The following CSNK1G1 variants were observed in gnomAD, a reference collection of about 807,000 sequenced individuals.
The protein encoded by CSNK1G1 is casein kinase 1 gamma 1.
CSNK1G1 carries 22 observed loss-of-function variants against 59.6 expected under a neutral mutation model. The ratio of observed to expected loss-of-function variants is 0.37; its 90% CI spans 0.26 to 0.53. The LOEUF is 0.53. Among genes scored for constraint, CSNK1G1 ranks in the 20% least tolerant of loss-of-function variants. The pLI, the probability that CSNK1G1 is intolerant of heterozygous loss-of-function variation, is 0.89. For missense variants in CSNK1G1, 384 were observed against 519.5 expected, an observed-to-expected ratio of 0.74 and a Z score of 2.54; for synonymous variants, 179 against 177.1, an observed-to-expected ratio of 1.01 and a Z score of -0.08.
intron 11 of CSNK1G1, among the ~76,000 whole-genome samples, chr15:64,179,864 A>G (rs190895969): frequency 1.4e-3 from 207 of 152,122 alleles, no homozygotes; most frequent in Non-Finnish European, 2.0e-3. Flanking sequence ...AGACTATAAT[A>G]TTTTTCTTGC....
intron 2 of CSNK1G1, among the ~76,000 whole-genome samples, chr15:64,286,501 A>C (rs1894431750): frequency 6.6e-6 from 1 of 152,114 alleles, no homozygotes; most frequent in Non-Finnish European, 1.5e-5. Context: ...ATAAATATAT[A>C]TAAGCTAATT....
intron 4 of CSNK1G1, among the ~76,000 whole-genome samples, chr15:64,217,937 T>C (rs1278256531): frequency 6.6e-6 from 1 of 152,158 alleles, no homozygotes; most frequent in Non-Finnish European, 1.5e-5. Flanking sequence ...TGTAGATTAT[T>C]GTTTGCTTCT....
At chr15:64,277,583 AATATTAATAT>A in intron 2 of CSNK1G1, among the ~76,000 whole-genome samples, 1 of 136,916 alleles carries the variant, frequency 7.3e-6, no homozygotes, top group Admixed American at 7.3e-5. Flanking sequence ...TAAATATATT[AATATTAATAT>A]ATTTAATAAT....
At position 64,319,410 on chromosome 15, in the gene CSNK1G1, A is replaced by G. The variant is rs150850163; in HGVS notation, c.-224-18687T>C. Among the ~76,000 whole-genome samples, 17 of 152,244 alleles carry G rather than the reference A, an allele frequency of 1.1e-4. No homozygotes were observed. In the East Asian group the frequency reaches 3.3e-3, roughly 29 times the overall value. Reference sequence around the variant, plus strand: ...CAGGCATCCTGAGACTATTCAAAGGAAATATACCTTTTTTTTTTTTCCAAA... The same window carrying G: ...CAGGCATCCTGAGACTATTCAAAGGGAATATACCTTTTTTTTTTTTCCAAA... On this transcript the variant is annotated intron_variant, in intron 1 of 11. Transcript: ENST00000303052.
At position 64,214,444 on chromosome 15, in the gene CSNK1G1, A is replaced by C. The variant is rs535193689; in HGVS notation, c.445-320T>G. 6.6e-6 allele frequency among the ~76,000 whole-genome samples: 1 copy of C among 152,328 alleles called. No individual in the cohort carries two copies. The highest frequency in any genetic ancestry group is 1.9e-4 in the East Asian group (1 of 5,190). On this transcript the variant is annotated intron_variant, in intron 5 of 11. Transcript: ENST00000303052. The surrounding 1 kb of genome is among the most constrained non-coding windows in gnomAD (Gnocchi z 4.3). ...GTTTATATGCTACGTCAGAAAATTA[A>C]GCATTTGAGACAAAAGAAGTATTCC...
rs1461663162 is a variant in CSNK1G1, at chr15:64,356,150, G to GGCTGGAGCCGAACGGCA, written c.-388_-387insTGCCGTTCGGCTCCAGC. On this transcript the variant is annotated 5_prime_UTR_variant, in exon 1 of 12. Coordinates refer to ENST00000303052, the MANE Select transcript of CSNK1G1 (RefSeq NM_022048.5). ...GGGGGAAGGCGAGGAGCCGAGGGGCGGCTGGAGCCGAACCGGAACCACTAG... is the reference window on the plus strand; with the variant it reads ...GGGGGAAGGCGAGGAGCCGAGGGGCGGCTGGAGCCGAACGGCAGCTGGAGCCGAACCGGAACCACTAG... 6.6e-6 allele frequency: 1 copy of GGCTGGAGCCGAACGGCA among 152,244 alleles called. No homozygotes were observed. The highest frequency in any genetic ancestry group is 1.5e-5 in the Non-Finnish European group (1 of 68,100). The allele number at this position is 152,244 out of a possible 1,614,324, so 9.4% of individuals were successfully genotyped here.
At chr15:64,177,116 C>T (rs1305804978) in intron 11 of CSNK1G1, among the ~76,000 whole-genome samples, 1 of 152,186 alleles carries the variant, frequency 6.6e-6, no homozygotes. Flanking sequence ...GTACACAGAA[C>T]AAAACCTAAG....
chr15:64,334,259 ATGCCTGCCTCAGCCTGCCAAAG>A (rs767944964), intron 1 of CSNK1G1, among the ~76,000 whole-genome samples: 1 of 152,026 alleles, frequency 6.6e-6, no homozygotes, highest in Non-Finnish European at 1.5e-5. Flanking sequence ...CTTAAGTGAT[ATGCCTGCCTCAGCCTGCCAAAG>A]TGCTGGGATT....
rs2081924473 is a variant in CSNK1G1, at chr15:64,188,287, T to C, written c.1108-7833A>G. The C allele has an allele frequency of 2.1e-6, 2 of 940,722 alleles. No individual in the cohort carries two copies. The highest frequency in any genetic ancestry group is 3.3e-5 in the South Asian group (2 of 60,422). The allele number at this position is 940,722 out of a possible 1,614,324, so 58.3% of individuals were successfully genotyped here. Reference sequence around the variant, plus strand: ...ATTAGCCCTTCCTGTAAGCTTCCTTTCTAAGGCTGCCGAAGGTTCAGAAGC... The same window carrying C: ...ATTAGCCCTTCCTGTAAGCTTCCTTCCTAAGGCTGCCGAAGGTTCAGAAGC... On this transcript the variant is annotated intron_variant, in intron 10 of 11. Coordinates refer to ENST00000303052, the MANE Select transcript of CSNK1G1 (RefSeq NM_022048.5). This position sits in a 1 kb window ranked among gnomAD's most constrained non-coding sequence, Gnocchi z 4.2.
At chr15:64,240,880 A>ATTTC (rs2082684738) in intron 4 of CSNK1G1, among the ~76,000 whole-genome samples, 1 of 152,148 alleles carries the variant, frequency 6.6e-6, no homozygotes, top group Non-Finnish European at 1.5e-5. Flanking sequence ...CACAAAGGAG[A>ATTTC]AAGAGAAAAA....
chr15:64,261,018 T>C (rs1292306590), intron 2 of CSNK1G1, among the ~76,000 whole-genome samples: 1 of 152,146 alleles, frequency 6.6e-6, no homozygotes, highest in Admixed American at 6.5e-5. Context: ...AAGTCAAAAA[T>C]AGGCATTTCT....
intron 2 of CSNK1G1, among the ~76,000 whole-genome samples, chr15:64,270,578 T>A (rs976435348): frequency 6.6e-6 from 1 of 151,970 alleles, no homozygotes; most frequent in Admixed American, 6.6e-5. Context: ...GCCAACACAG[T>A]GAAACCCCGT....
At chr15:64,268,192 G>A (rs1350553667) in intron 2 of CSNK1G1, among the ~76,000 whole-genome samples, 1 of 152,102 alleles carries the variant, frequency 6.6e-6, no homozygotes, top group African/African-American at 2.4e-5. Context: ...GAATAAACAT[G>A]GAGAACATGT....
intron 1 of CSNK1G1, among the ~76,000 whole-genome samples, chr15:64,339,114 T>C (rs1897555416): frequency 6.6e-6 from 1 of 152,080 alleles, no homozygotes; most frequent in South Asian, 2.1e-4. Flanking sequence ...AGGAAAAGAA[T>C]TAGCAGTTAC....
At chr15:64,250,852 T>C (rs1040934055) in intron 4 of CSNK1G1, among the ~76,000 whole-genome samples, 2 of 152,218 alleles carry the variant, frequency 1.3e-5, no homozygotes, top group African/African-American at 4.8e-5. Flanking sequence ...ATTCTACTAA[T>C]GTCAAATAGT....
At chr15:64,288,093 AG>A (rs1422114602) in intron 2 of CSNK1G1, among the ~76,000 whole-genome samples, 3 of 152,180 alleles carry the variant, frequency 2.0e-5, no homozygotes, top group African/African-American at 7.2e-5. Flanking sequence ...GTTGGACTTG[AG>A]GAAAAAAAAT....
intron 4 of CSNK1G1, among the ~76,000 whole-genome samples, chr15:64,247,052 G>A (rs945072788): frequency 2.0e-5 from 3 of 151,948 alleles, no homozygotes; most frequent in Non-Finnish European, 2.9e-5. Context: ...GATCTGTTTC[G>A]GCCACAGACT....
chr15:64,268,639 TATTTC>T (rs1893110951), intron 2 of CSNK1G1, among the ~76,000 whole-genome samples: 1 of 152,158 alleles, frequency 6.6e-6, no homozygotes, highest in African/African-American at 2.4e-5. Flanking sequence ...GAACACACAG[TATTTC>T]ATTTTTTATT....
intron 10 of CSNK1G1, among the ~76,000 whole-genome samples, chr15:64,184,856 TC>T (rs1369982727): frequency 6.6e-6 from 1 of 152,144 alleles, no homozygotes; most frequent in Non-Finnish European, 1.5e-5. Flanking sequence ...CCTGGTAATA[TC>T]CCTTTTAGGA....
Sources: allele counts gnomAD v4.1 joint callset (sites outside exome capture counted in the v4.1 genomes callset), GRCh38; gene constraint gnomAD v4.1.1; non-coding constraint Gnocchi (gnomAD v3.1); transcripts MANE v1.5; gene names NCBI Gene and HGNC (gene_info 2026-07-23, HGNC 2026-07-21).